FNDC3B: variants seen among roughly 807,000 people sequenced by gnomAD.
The protein encoded by FNDC3B is fibronectin type III domain-containing protein 3B.
FNDC3B carries 12 observed loss-of-function variants against 151.5 expected under a neutral mutation model. The ratio of observed to expected loss-of-function variants is 0.08; its 90% CI spans 0.05 to 0.13. The LOEUF is 0.13. Among genes scored for constraint, FNDC3B ranks in the 10% least tolerant of loss-of-function variants. The probability of loss-of-function intolerance (pLI) is 1.00; values close to 1 mark genes in which losing one functional copy is unlikely to be tolerated. For synonymous variants in FNDC3B, 528 were observed against 549.0 expected (o/e 0.96, Z 0.54); for missense variants, 1,214 against 1,505.3 (o/e 0.81, Z 3.20).
At chr3:172,376,371 C>T (rs969772283) in intron 23 of FNDC3B, among the ~76,000 whole-genome samples, 2 of 152,146 alleles carry the variant, frequency 1.3e-5, no homozygotes, top group Admixed American at 6.5e-5. Context: ...GAAATACTCT[C>T]CTTAGATTGT....
At chr3:172,255,973 A>G in intron 6 of FNDC3B, among the ~76,000 whole-genome samples, 1 of 152,226 alleles carries the variant, frequency 6.6e-6, no homozygotes. Flanking sequence ...TTATGGTTTA[A>G]GATGTGTGAT....
intron 3 of FNDC3B, among the ~76,000 whole-genome samples, chr3:172,141,197 T>G (rs762029530): frequency 6.6e-6 from 1 of 152,194 alleles, no homozygotes; most frequent in Non-Finnish European, 1.5e-5. Context: ...ATTTTCCTAC[T>G]TGTAGAAATC....
intron 11 of FNDC3B, among the ~76,000 whole-genome samples, chr3:172,328,047 T>TA (rs1732449584): frequency 6.6e-6 from 1 of 152,088 alleles, no homozygotes; most frequent in Non-Finnish European, 1.5e-5. Context: ...CTGATAAGAG[T>TA]ATTACATGCC....
chr3:172,233,396 T>C lies in FNDC3B; in HGVS notation c.264+6449T>C, dbSNP rs374408595. ...TTTTGGGGATTAATTAATGGGTCAG[T>C]ACCTGTTGAAATTATATATATTTCA... On this transcript the variant is annotated intron_variant, in intron 4 of 25. Transcript: ENST00000415807. 3.3e-5 allele frequency among the ~76,000 whole-genome samples: 5 copies of C among 152,366 alleles called. 1 individual carries two copies. The highest frequency in any genetic ancestry group is 9.6e-5 in the African/African-American group (4 of 41,584).
At chr3:172,089,909 C>T (rs903707725) in intron 1 of FNDC3B, among the ~76,000 whole-genome samples, 2 of 152,074 alleles carry the variant, frequency 1.3e-5, no homozygotes, top group African/African-American at 2.4e-5. Flanking sequence ...CTTTTTACAA[C>T]GTTAATGACA....
At chr3:172,254,104 C>G (rs747186797) in intron 6 of FNDC3B, among the ~76,000 whole-genome samples, 27 of 152,098 alleles carry the variant, frequency 1.8e-4, no homozygotes, top group Non-Finnish European at 2.6e-4. Flanking sequence ...CTTTTTATCA[C>G]TTACAAAAAA....
At chr3:172,041,256 C>A (rs1716032482) in intron 1 of FNDC3B, among the ~76,000 whole-genome samples, 1 of 152,074 alleles carries the variant, frequency 6.6e-6, no homozygotes, top group South Asian at 2.1e-4. Flanking sequence ...GATTGCTTGT[C>A]TGTTTATTTT....
intron 4 of FNDC3B, among the ~76,000 whole-genome samples, chr3:172,246,178 G>A (rs1186362090): frequency 6.7e-6 from 1 of 150,118 alleles, no homozygotes; most frequent in Non-Finnish European, 1.5e-5. Flanking sequence ...AGTTTTGTGC[G>A]GTTTTTAGAT....
chr3:172,147,348 T>A (rs1271456088), intron 3 of FNDC3B, among the ~76,000 whole-genome samples: 2 of 151,394 alleles, frequency 1.3e-5, no homozygotes, highest in African/African-American at 4.9e-5. Flanking sequence ...AATAACCATC[T>A]TACAACTTGC....
chr3:172,065,054 C>G (rs1717417392), intron 1 of FNDC3B, among the ~76,000 whole-genome samples: 1 of 152,206 alleles, frequency 6.6e-6, no homozygotes, highest in Non-Finnish European at 1.5e-5. Flanking sequence ...CTGGTAGAGG[C>G]CTGGTGCGGT....
intron 1 of FNDC3B, among the ~76,000 whole-genome samples, chr3:172,061,659 G>T (rs1268862535): frequency 2.0e-5 from 3 of 152,178 alleles, no homozygotes; most frequent in Non-Finnish European, 4.4e-5. Context: ...AAGCAAGAAT[G>T]ACTTCTATTC....
rs1295800751 is a variant in FNDC3B, at chr3:172,352,503, T to G, written c.2515-300T>G. 6.6e-6 allele frequency among the ~76,000 whole-genome samples: 1 copy of G among 152,284 alleles called. No homozygotes were observed. The highest frequency in any genetic ancestry group is 1.5e-5 in the Non-Finnish European group (1 of 68,022). ...TTTAAGATCTACCACAGGGGGTTAT[T>G]ATGAAGATCGTGTAAGATGATGTAT... On this transcript the variant is annotated intron_variant, in intron 21 of 25. Coordinates refer to ENST00000415807, the MANE Select transcript of FNDC3B (RefSeq NM_022763.4). This position sits in a 1 kb window ranked among gnomAD's most constrained non-coding sequence, Gnocchi z 4.2.
In FNDC3B at chr3:172,335,012, C is replaced by G. The variant is rs1211786763; in HGVS notation, c.1710C>G (p.Asp570Glu). The G allele has an allele frequency of 6.2e-7, 1 of 1,613,644 alleles. No homozygotes were observed. Among genetic ancestry groups the G allele is most frequent in the Admixed American group, 1.7e-5 (1 of 59,970 alleles). ...SEVLVCTTSP[D>E]RPGPPTRPLV... is the part of the protein sequence containing the mutation. The stretch of plus-strand genomic sequence containing the variant: ...TTCTTGTTTGTACGACGAGTCCTGA[C>G]AGGCCTGGACCTCCTACCAGACCGC... Residue 570 changes from aspartate to glutamate, a missense_variant, in exon 15 of 26, where the codon GAC (aspartate) becomes GAG (glutamate). Coordinates refer to ENST00000415807, the MANE Select transcript of FNDC3B (RefSeq NM_022763.4).
intron 11 of FNDC3B, among the ~76,000 whole-genome samples, chr3:172,328,286 C>T (rs552678357): frequency 6.6e-6 from 1 of 152,338 alleles, no homozygotes; most frequent in African/African-American, 2.4e-5. Flanking sequence ...ACCCTGCAAG[C>T]ATTGATTGAG....
intron 3 of FNDC3B, among the ~76,000 whole-genome samples, chr3:172,223,354 TG>T (rs1368845735): frequency 6.6e-6 from 1 of 152,248 alleles, no homozygotes; most frequent in Non-Finnish European, 1.5e-5. Context: ...GGTGGAGTTT[TG>T]GAAACTATTA....
intron 4 of FNDC3B, among the ~76,000 whole-genome samples, chr3:172,242,018 CCAAA>C (rs1473563885): frequency 6.6e-6 from 1 of 152,176 alleles, no homozygotes; most frequent in African/African-American, 2.4e-5. Context: ...AGAAATTGGC[CCAAA>C]CAAAGGGGCT....
chr3:172,161,989 T>TTG (rs1553767750), intron 3 of FNDC3B, among the ~76,000 whole-genome samples: 27,869 of 146,968 alleles, frequency 0.19, 3,187 homozygotes, highest in Non-Finnish European at 0.24. Context: ...TTTTTTTTTT[T>TTG]GGGGGGGGAC....
At chr3:172,068,081 G>A (rs942972720) in intron 1 of FNDC3B, among the ~76,000 whole-genome samples, 7 of 152,146 alleles carry the variant, frequency 4.6e-5, no homozygotes, top group African/African-American at 1.7e-4. Context: ...GCTCATCCTG[G>A]TGGATCCCAT....
rs111284856 is a variant in FNDC3B, at chr3:172,087,256, C to T, written c.-28-25196C>T. Among the ~76,000 whole-genome samples, 836 of 152,142 alleles carry T rather than the reference C, an allele frequency of 5.5e-3. 4 individuals carry two copies. Among genetic ancestry groups the T allele is most frequent in the African/African-American group, 0.019 (770 of 41,498 alleles). On this transcript the variant is annotated intron_variant, in intron 1 of 25. Coordinates refer to ENST00000415807, the MANE Select transcript of FNDC3B (RefSeq NM_022763.4). ...CTATATTATAAACTATCAGCTTGAC[C>T]GAAGCCATCTTTTTCTTCTGCTGTT...
Sources: allele counts gnomAD v4.1 joint callset (sites outside exome capture counted in the v4.1 genomes callset), GRCh38; gene constraint gnomAD v4.1.1; non-coding constraint Gnocchi (gnomAD v3.1); transcripts MANE v1.5; gene names NCBI Gene and HGNC (gene_info 2026-07-23, HGNC 2026-07-21).